Variants in MICAL3 observed in about 807,000 individuals in gnomAD.
MICAL3 encodes the protein microtubule associated monooxygenase, calponin and LIM domain containing 3.
Under a neutral mutation model 207.4 loss-of-function variants are expected in MICAL3, and 62 were observed. The ratio of observed to expected loss-of-function variants is 0.30; its 90% CI spans 0.24 to 0.37. The LOEUF is 0.37. Ranked by LOEUF, MICAL3 falls within the 10% of genes least tolerant of loss-of-function variation. MICAL3 has a pLI of 1.00. For missense variants in MICAL3, 2,368 were observed against 2,635.6 expected (o/e 0.90, Z 2.22); for synonymous variants, 1,077 against 1,069.3 (o/e 1.01, Z -0.14).
intron 1 of MICAL3, among the ~76,000 whole-genome samples, chr22:17,973,879 C>T (rs1332934518): frequency 6.6e-6 from 1 of 152,094 alleles, no homozygotes; most frequent in Admixed American, 6.6e-5. Context: ...TGTGGTCGCA[C>T]CACTGCACTC....
intron 19 of MICAL3, chr22:17,860,215 AT>A (rs1197510567): frequency 1.0e-6 from 1 of 982,374 alleles, no homozygotes; most frequent in East Asian, 1.1e-4. Flanking sequence ...TAAAAAAAAA[AT>A]TAAAAGCACG....
chr22:17,853,477 C>G (rs2146106800), intron 19 of MICAL3, among the ~76,000 whole-genome samples: 1 of 152,378 alleles, frequency 6.6e-6, no homozygotes, highest in African/African-American at 2.4e-5. Context: ...CACCCTCACT[C>G]TAATTCTTCC....
chr22:17,984,778 T>A (rs1447788884), intron 1 of MICAL3, among the ~76,000 whole-genome samples: 4 of 152,262 alleles, frequency 2.6e-5, no homozygotes, highest in African/African-American at 9.6e-5. Context: ...TAAATTCATT[T>A]GATCCTCACA....
chr22:17,799,134 A>G (rs1178299718), intron 29 of MICAL3, among the ~76,000 whole-genome samples: 1 of 152,192 alleles, frequency 6.6e-6, no homozygotes, highest in East Asian at 1.9e-4. Flanking sequence ...CTGTAATCCT[A>G]GCATTTGGGA....
chr22:17,928,444 A>AAAAAAAAG (rs1391156892), intron 1 of MICAL3, among the ~76,000 whole-genome samples: 4 of 148,286 alleles, frequency 2.7e-5, no homozygotes, highest in East Asian at 3.9e-4. Flanking sequence ...GTCTCAAAAA[A>AAAAAAAAG]AAAGAAAGAA....
chr22:17,847,159 C>T (rs1221059065), intron 19 of MICAL3, among the ~76,000 whole-genome samples: 1 of 152,140 alleles, frequency 6.6e-6, no homozygotes, highest in East Asian at 1.9e-4. Context: ...GTGGCAAAGC[C>T]CCCCTGTACT....
rs1479180760 is a variant in MICAL3, at chr22:17,793,914, C to T, written c.5651-2613G>A. The stretch of plus-strand genomic sequence containing the variant: ...AGGGAGAAGGTGGAATAAAAACAAG[C>T]AGAGGACAAAAAGCATAAAAAGTGA... On this transcript the variant is annotated intron_variant, in intron 29 of 31. Transcript: ENST00000441493. This position sits in a 1 kb window ranked among gnomAD's most constrained non-coding sequence, Gnocchi z 4.1. 6.6e-6 allele frequency: 1 copy of T among 151,986 alleles called. No individual in the cohort carries two copies. The highest frequency in any genetic ancestry group is 1.5e-5 in the Non-Finnish European group (1 of 68,034). The allele number at this position is 151,986 out of a possible 1,614,324, so 9.4% of individuals were successfully genotyped here.
chr22:17,989,431 G>A (rs796379688), intron 1 of MICAL3, among the ~76,000 whole-genome samples: 4 of 152,172 alleles, frequency 2.6e-5, no homozygotes, highest in African/African-American at 9.6e-5. Flanking sequence ...ATCCCAGAGG[G>A]CAAGGAATAC....
intron 1 of MICAL3, among the ~76,000 whole-genome samples, chr22:17,959,594 C>T (rs182789587): frequency 4.6e-5 from 7 of 152,050 alleles, no homozygotes; most frequent in African/African-American, 1.7e-4. Flanking sequence ...GGATTACAGG[C>T]ATGAGCCACC....
chr22:17,864,738 C>T (rs374889379), intron 19 of MICAL3, 161 bp downstream of exon 19: 234 of 1,613,586 alleles, frequency 1.5e-4, no homozygotes, highest in Middle Eastern at 4.9e-4. Context: ...GGACTCCGAA[C>T]GCAAGCAGCT....
chr22:17,977,176 G>C (rs1216123827), intron 1 of MICAL3, among the ~76,000 whole-genome samples: 1 of 152,108 alleles, frequency 6.6e-6, no homozygotes, highest in Non-Finnish European at 1.5e-5. Context: ...CAAGAATCGA[G>C]AGTAAATTTG....
chr22:17,899,746 C>G (rs1931164467), intron 6 of MICAL3, among the ~76,000 whole-genome samples, 198 bp from the exon 7 acceptor site: 1 of 152,040 alleles, frequency 6.6e-6, no homozygotes, highest in Admixed American at 6.6e-5. Context: ...TGTATTCACT[C>G]AACACCCCAA....
chr22:18,010,441 G>A (rs996925746), intron 1 of MICAL3, among the ~76,000 whole-genome samples: 1 of 152,206 alleles, frequency 6.6e-6, no homozygotes, highest in African/African-American at 2.4e-5. Context: ...TAACAATAGT[G>A]CAGGGAAAGT....
intron 17 of MICAL3, among the ~76,000 whole-genome samples, chr22:17,868,376 T>C (rs1018981248): frequency 2.0e-5 from 3 of 152,154 alleles, no homozygotes; most frequent in Non-Finnish European, 4.4e-5. Flanking sequence ...GACACTATTT[T>C]AACTGCTTTC....
intron 1 of MICAL3, among the ~76,000 whole-genome samples, chr22:17,921,849 T>C (rs1321669808): frequency 1.3e-5 from 2 of 152,078 alleles, no homozygotes; most frequent in South Asian, 2.1e-4. Flanking sequence ...AGGGGTCTTT[T>C]GTAAGGGCCA....
At chr22:17,884,150 G>A (rs1602142371) in intron 16 of MICAL3, 6 of 573,578 alleles carry the variant, frequency 1.0e-5, no homozygotes, top group Non-Finnish European at 1.5e-5. Flanking sequence ...ACTCGAATGA[G>A]CAGAGATTTC....
chr22:17,807,323 A>T lies in MICAL3; in HGVS notation c.5650+1521T>A, dbSNP rs576543772. ...GGCTTAACTGAGGAGGCCAAATCAGAGTGCGCAGAGCAGGGCAGGGGGGCA... is the reference window on the plus strand; with the variant it reads ...GGCTTAACTGAGGAGGCCAAATCAGTGTGCGCAGAGCAGGGCAGGGGGGCA... On this transcript the variant is annotated intron_variant, in intron 29 of 31. Coordinates refer to ENST00000441493, the MANE Select transcript of MICAL3 (RefSeq NM_015241.3). 1.6e-4 allele frequency among the ~76,000 whole-genome samples: 25 copies of T among 152,330 alleles called. 1 individual carries two copies. The highest frequency in any genetic ancestry group is 3.2e-4 in the Non-Finnish European group (22 of 68,022).
At chr22:17,985,504 C>A (rs909279232) in intron 1 of MICAL3, among the ~76,000 whole-genome samples, 3 of 152,154 alleles carry the variant, frequency 2.0e-5, no homozygotes, top group African/African-American at 7.2e-5. Flanking sequence ...GCTTCTGACA[C>A]CTCTGTCACT....
At chr22:17,809,724 G>GCTCTGAC (rs2062023741) in intron 28 of MICAL3, among the ~76,000 whole-genome samples, 1 of 152,182 alleles carries the variant, frequency 6.6e-6, no homozygotes, top group Non-Finnish European at 1.5e-5. Flanking sequence ...TGGGAGGAGA[G>GCTCTGAC]CTCTGACCTC....
Sources: allele counts gnomAD v4.1 joint callset (sites outside exome capture counted in the v4.1 genomes callset), GRCh38; gene constraint gnomAD v4.1.1; non-coding constraint Gnocchi (gnomAD v3.1); transcripts MANE v1.5; gene names NCBI Gene and HGNC (gene_info 2026-07-23, HGNC 2026-07-21).